SYNJ2: variants seen among roughly 807,000 people sequenced by gnomAD.
The protein encoded by SYNJ2 is synaptojanin 2, also known as polyphosphatidylinositol phosphatase SYNJ2.
In SYNJ2, 116 loss-of-function variants were observed where a neutral mutation model predicts 141.3. The observed-to-expected ratio is 0.82, with a 90% CI of 0.71 to 0.96. The LOEUF is 0.96. Ranked by LOEUF, SYNJ2 falls within the 40% of genes least tolerant of loss-of-function variation. The pLI, the probability that SYNJ2 is intolerant of heterozygous loss-of-function variation, is 0.00. For synonymous variants in SYNJ2, 745 were observed against 777.7 expected, an observed-to-expected ratio of 0.96 and a Z score of 0.70; for missense variants, 1,873 against 1,934.8, an observed-to-expected ratio of 0.97 and a Z score of 0.60.
In SYNJ2 at chr6:158,033,548, C is replaced by T. The variant is rs745766671; in HGVS notation, c.579C>T (p.Thr193=). 2.2e-5 allele frequency: 36 copies of T among 1,614,070 alleles called. No individual in the cohort carries two copies. The highest frequency in any genetic ancestry group is 1.3e-5 in the Non-Finnish European group (15 of 1,180,058). ...KIICGVVTIR[T]VYASHKQAKA... is the part of the protein sequence containing the mutation. ...TCTGCGGGGTGGTCACCATCCGCACCGTGTATGCCTCCCACAAGCAGGCCA... is the reference window on the plus strand; with the variant it reads ...TCTGCGGGGTGGTCACCATCCGCACTGTGTATGCCTCCCACAAGCAGGCCA... Residue 193 remains threonine, a synonymous_variant, in exon 4 of 27, where the codon ACC becomes ACT. Transcript: ENST00000355585.
intron 1 of SYNJ2, among the ~76,000 whole-genome samples, chr6:158,006,025 G>C (rs112179516): frequency 0.027 from 4,086 of 152,244 alleles, 79 homozygotes; most frequent in Non-Finnish European, 0.037. Flanking sequence ...CTCTCTCTTG[G>C]CTGCATTGGT....
intron 1 of SYNJ2, chr6:158,001,106 C>CCCCG (rs368718662): frequency 6.6e-6 from 1 of 152,636 alleles, no homozygotes; most frequent in East Asian, 1.9e-4. Context: ...CCGCGGTATC[C>CCCCG]CCAGCTCTTA....
At position 158,087,875 on chromosome 6, in the gene SYNJ2, CT is replaced by C. The variant is rs749329722; in HGVS notation, c.3344-764del. ...TTCATGTATCTGCAGCAACATACTT[CT>C]TTTTTTTTTTTTTTTTTTTTAACAA... On this transcript the variant is annotated intron_variant, in intron 23 of 26. Coordinates refer to ENST00000355585, the MANE Select transcript of SYNJ2 (RefSeq NM_003898.4). Among the ~76,000 whole-genome samples, 780 of 94,454 alleles carry C rather than the reference CT, an allele frequency of 8.3e-3. 1 individual carries two copies. Among genetic ancestry groups the C allele is most frequent in the Middle Eastern group, 0.028 (4 of 144 alleles). 62.0% of individuals were successfully genotyped at this position (94,454 alleles called of 152,430 possible).
intron 4 of SYNJ2, among the ~76,000 whole-genome samples, chr6:158,042,982 T>C (rs1342506614): frequency 1.3e-5 from 2 of 152,336 alleles, no homozygotes; most frequent in Admixed American, 1.3e-4. Context: ...CACTGACTTC[T>C]ATTCATACAG....
chr6:158,053,561 A>G (rs945854865), intron 5 of SYNJ2, among the ~76,000 whole-genome samples: 8 of 151,232 alleles, frequency 5.3e-5, no homozygotes, highest in African/African-American at 1.7e-4. Context: ...CCATTAACCC[A>G]TCCATTCATC....
At chr6:158,058,678 A>G (rs2128359557) in intron 6 of SYNJ2, among the ~76,000 whole-genome samples, 1 of 152,324 alleles carries the variant, frequency 6.6e-6, no homozygotes, top group Non-Finnish European at 1.5e-5. Flanking sequence ...TGTAATCCCA[A>G]CACTTTGGGA....
intron 3 of SYNJ2, 198 bp downstream of exon 3, chr6:158,029,224 G>A (rs1471545561): frequency 1.5e-6 from 1 of 670,940 alleles, no homozygotes; most frequent in Non-Finnish European, 2.4e-6. Context: ...CCCCACCCCT[G>A]GCCCCTGGAA....
Position 158,070,621 on chromosome 6 carries a change from G to A in SYNJ2, c.1940+948G>A. On this transcript the variant is annotated intron_variant, in intron 14 of 26. Transcript: ENST00000355585. This position sits in a 1 kb window ranked among gnomAD's most constrained non-coding sequence, Gnocchi z 4.0. ...AGGCTCGGTGTCCTCGGCTTCACGT[G>A]CCTTTAGCCCTGAGCTGCTTCCGCC... The A allele has an allele frequency of 1.8e-6, 1 of 553,070 alleles. No individual in the cohort carries two copies. Among genetic ancestry groups the A allele is most frequent in the Non-Finnish European group, 2.3e-6 (1 of 435,428 alleles). 34.3% of individuals were successfully genotyped at this position (553,070 alleles called of 1,614,324 possible).
chr6:158,084,249 C>A lies in SYNJ2; in HGVS notation c.3208+75C>A. On this transcript the variant is annotated intron_variant, in intron 22 of 26. Coordinates refer to ENST00000355585, the MANE Select transcript of SYNJ2 (RefSeq NM_003898.4). The surrounding 1 kb of genome is among the most constrained non-coding windows in gnomAD (Gnocchi z 5.0). The stretch of plus-strand genomic sequence containing the variant: ...GGACAGACTTTCCTTTTTCTCTTGG[C>A]GATTGGGCACTGTGTGATATCAAGT... The A allele has an allele frequency of 1.3e-6, 2 of 1,488,340 alleles. No homozygotes were observed. Among genetic ancestry groups the A allele is most frequent in the Non-Finnish European group, 1.8e-6 (2 of 1,100,428 alleles). 92.2% of individuals were successfully genotyped at this position (1,488,340 alleles called of 1,614,324 possible). A position where few individuals can be genotyped will look rare whatever the true frequency, so the allele number is the denominator to read the frequency against.
rs751911914 is a variant in SYNJ2, at chr6:158,059,283, A to G, written c.884A>G (p.Tyr295Cys). 1.9e-6 allele frequency: 3 copies of G among 1,550,370 alleles called. No individual in the cohort carries two copies. Among genetic ancestry groups the G allele is most frequent in the Middle Eastern group, 1.7e-4 (1 of 5,822 alleles). The change falls in exon 7 of 27, where the codon TAC becomes TGC. Residue 295 changes from tyrosine (Y) to cysteine (C), a missense_variant. By Grantham distance (194) the Tyr-to-Cys change is radical (BLOSUM62 -2). Transcript: ENST00000355585. The part of the protein sequence containing the change: ...DRHMVLLKEQ[Y>C]GQQVVVNLLG... ...CACATGGTGCTTCTGAAGGAGCAGT[A>G]CGGGCAGCAGGTGGTCGTGAACCTT...
At chr6:158,065,129 T>G in intron 11 of SYNJ2, 138 bp downstream of exon 11, 2 of 1,124,256 alleles carry the variant, frequency 1.8e-6, no homozygotes, top group Non-Finnish European at 2.4e-6. Context: ...ACCTTGCAGC[T>G]GTCACTGCCT....
chr6:158,057,878 C>T (rs1354225904), intron 6 of SYNJ2, among the ~76,000 whole-genome samples: 1 of 152,242 alleles, frequency 6.6e-6, no homozygotes, highest in East Asian at 1.9e-4. Context: ...AAGCCACACA[C>T]AGCCCGCCCC....
chr6:158,054,111 A>T (rs991854307), intron 5 of SYNJ2, among the ~76,000 whole-genome samples: 1 of 149,838 alleles, frequency 6.7e-6, no homozygotes, highest in Non-Finnish European at 1.5e-5. Context: ...CCATTCATCT[A>T]TCCATCCACT....
chr6:158,053,870 A>C (rs1283551848), intron 5 of SYNJ2, among the ~76,000 whole-genome samples: 3 of 148,300 alleles, frequency 2.0e-5, no homozygotes, highest in Admixed American at 2.0e-4. Flanking sequence ...CCATCCATCC[A>C]CCCACCTATC....
chr6:158,060,397 T>G (rs911601738), intron 7 of SYNJ2, among the ~76,000 whole-genome samples: 4 of 152,220 alleles, frequency 2.6e-5, no homozygotes, highest in African/African-American at 9.6e-5. Context: ...AGGGGGCTCC[T>G]GGTTCCTTTA....
In SYNJ2 at chr6:157,981,884, C is replaced by T. The variant is rs1777024346; in HGVS notation, c.-78C>T. ...AAGTGAAACTCTGGCAAGTTGCGGGCGCGCGGGGAGCTGTCGCGGGCAGCG... is the reference window on the plus strand; with the variant it reads ...AAGTGAAACTCTGGCAAGTTGCGGGTGCGCGGGGAGCTGTCGCGGGCAGCG... On this transcript the variant is annotated 5_prime_UTR_variant, in exon 1 of 27. Coordinates refer to ENST00000355585, the MANE Select transcript of SYNJ2 (RefSeq NM_003898.4). This position sits in a 1 kb window ranked among gnomAD's most constrained non-coding sequence, Gnocchi z 6.4. 5.1e-6 allele frequency: 6 copies of T among 1,183,758 alleles called. No homozygotes were observed. In the African/African-American group the frequency reaches 6.3e-5, roughly 13 times the overall value. The allele number at this position is 1,183,758 out of a possible 1,614,324, so 73.3% of individuals were successfully genotyped here.
At chr6:158,031,221 A>G (rs992603392) in intron 3 of SYNJ2, among the ~76,000 whole-genome samples, 6 of 152,288 alleles carry the variant, frequency 3.9e-5, no homozygotes, top group South Asian at 4.1e-4. Flanking sequence ...TTTAAACCAG[A>G]ACTGTCAGGG....
In SYNJ2 at chr6:158,007,697, C is replaced by T. The variant is rs146574283; in HGVS notation, c.128-9507C>T. 7.0e-4 allele frequency among the ~76,000 whole-genome samples: 106 copies of T among 152,284 alleles called. 1 individual carries two copies. In the East Asian group the frequency reaches 0.017, roughly 24 times the overall value. On this transcript the variant is annotated intron_variant, in intron 1 of 26. Transcript: ENST00000355585. ...CGCTCTTGTCACGCAGGCTGGAGTG[C>T]AGTGGCGTGACCATGGCTCCCTGCA...
At position 158,092,912 on chromosome 6, in the gene SYNJ2, G is replaced by A; in HGVS notation, c.3566-14G>A. 6.3e-7 allele frequency: 1 copy of A among 1,576,476 alleles called. No individual in the cohort carries two copies. Among genetic ancestry groups the A allele is most frequent in the Non-Finnish European group, 8.6e-7 (1 of 1,166,444 alleles). ...TTGTCCTTTACACTTCAGCCATGTG[G>A]TTTTATGTTTCAGGTGCCTCCGAAG... On this transcript the variant is annotated splice_polypyrimidine_tract_variant and intron_variant, in intron 25 of 26. Coordinates refer to ENST00000355585, the MANE Select transcript of SYNJ2 (RefSeq NM_003898.4).
Sources: gnomAD v4.1 joint callset for allele counts (sites outside exome capture counted in the v4.1 genomes callset) on GRCh38, gnomAD v4.1.1 for gene constraint, Gnocchi (gnomAD v3.1) non-coding constraint, MANE v1.5 for transcripts, NCBI Gene and HGNC (gene_info 2026-07-23, HGNC 2026-07-21) for gene names.